SUCO: variants seen among roughly 807,000 people sequenced by gnomAD.
SUCO encodes the protein SUN domain-containing ossification factor.
Under a neutral mutation model 148.1 loss-of-function variants are expected in SUCO, and 57 were observed. The ratio of observed to expected loss-of-function variants is 0.38; its 90% confidence interval spans 0.31 to 0.48. SUCO has a LOEUF of 0.48. Among genes scored for constraint, SUCO ranks in the 20% least tolerant of loss-of-function variants. The probability of loss-of-function intolerance (pLI) is 0.96; values close to 1 mark genes in which losing one functional copy is unlikely to be tolerated. For synonymous variants in SUCO, 470 were observed against 502.7 expected, an observed-to-expected ratio of 0.93 and a Z score of 0.87; for missense variants, 1,331 against 1,468.2, an observed-to-expected ratio of 0.91 and a Z score of 1.53.
intron 3 of SUCO, among the ~76,000 whole-genome samples, chr1:172,554,899 G>T (rs911363791): frequency 8.6e-5 from 13 of 151,600 alleles, no homozygotes; most frequent in Admixed American, 8.5e-4. Flanking sequence ...TGAATTTCTC[G>T]GTGTAAATAA....
At position 172,588,922 on chromosome 1, in the gene SUCO, CT is replaced by C; in HGVS notation, c.1822del (p.Trp608GlyfsTer13). On this transcript the variant is annotated frameshift_variant, in exon 18 of 24. Coordinates refer to ENST00000263688, the MANE Select transcript of SUCO (RefSeq NM_014283.5). LOFTEE classifies it high-confidence loss of function. ...GTGAACAGGAAGATGAATCATCACC[CT>C]GGTTTGAGTCAGAGACACAAATATT... ...SGEQEDESSPWFESETQIFCS... is the reference protein window; with the variant it reads ...SGEQEDESSPXFESETQIFCS... 6.2e-7 allele frequency: 1 copy of C among 1,612,540 alleles called. No homozygotes were observed. Among genetic ancestry groups the C allele is most frequent in the Non-Finnish European group, 8.5e-7 (1 of 1,179,344 alleles).
chr1:172,562,473 A>C (rs1254785530), intron 6 of SUCO, among the ~76,000 whole-genome samples: 1 of 152,054 alleles, frequency 6.6e-6, no homozygotes, highest in Admixed American at 6.6e-5. Context: ...CTGGGACTAC[A>C]GGCGTGCACC....
chr1:172,574,489 G>T (rs943259369), intron 10 of SUCO, among the ~76,000 whole-genome samples: 1 of 151,992 alleles, frequency 6.6e-6, no homozygotes, highest in East Asian at 1.9e-4. Flanking sequence ...AATATATGTT[G>T]TGAGGAATTT....
intron 1 of SUCO, chr1:172,542,997 T>C: frequency 2.0e-6 from 2 of 985,276 alleles, no homozygotes; most frequent in Non-Finnish European, 2.4e-6. Flanking sequence ...AGGCATGAAT[T>C]CCACACATTT....
At chr1:172,543,532 C>T (rs1216729248) in intron 1 of SUCO, among the ~76,000 whole-genome samples, 2 of 152,100 alleles carry the variant, frequency 1.3e-5, no homozygotes, top group African/African-American at 4.8e-5. Context: ...GAACATATCA[C>T]ATTTGTTTAC....
At chr1:172,599,802 T>C (rs937995627) in intron 19 of SUCO, among the ~76,000 whole-genome samples, 5 of 152,252 alleles carry the variant, frequency 3.3e-5, no homozygotes, top group Admixed American at 6.5e-5. Context: ...AATTCTGTTA[T>C]ACAGTATTTC....
chr1:172,542,840 G>T (rs1652580948), intron 1 of SUCO: 1 of 985,278 alleles, frequency 1.0e-6, no homozygotes, highest in South Asian at 4.7e-5. Context: ...GATGGAAAGA[G>T]ATTTAAGGAA....
chr1:172,580,028 G>T (rs1049144126), intron 15 of SUCO, among the ~76,000 whole-genome samples: 1 of 152,156 alleles, frequency 6.6e-6, no homozygotes, highest in African/African-American at 2.4e-5. Flanking sequence ...GTTGAATACC[G>T]ATGTCTGTGA....
At chr1:172,556,421 G>A (rs773782752) in intron 4 of SUCO, among the ~76,000 whole-genome samples, 1 of 151,990 alleles carries the variant, frequency 6.6e-6, no homozygotes, top group East Asian at 1.9e-4. Flanking sequence ...CGTGTGAATC[G>A]CTAACTTTTT....
chr1:172,608,049 G>T (rs1369023812), intron 22 of SUCO: 3 of 982,406 alleles, frequency 3.1e-6, no homozygotes, highest in Non-Finnish European at 3.6e-6. Context: ...TTGTCAGTGT[G>T]GGGGTGGGGT....
At chr1:172,539,734 C>A (rs1164689866) in intron 1 of SUCO, among the ~76,000 whole-genome samples, 4 of 152,172 alleles carry the variant, frequency 2.6e-5, no homozygotes, top group Non-Finnish European at 5.9e-5. Flanking sequence ...ATGAGTTATT[C>A]ATTGACTCTA....
At chr1:172,584,580 C>T (rs141751261) in intron 15 of SUCO, among the ~76,000 whole-genome samples, 2,330 of 152,210 alleles carry the variant, frequency 0.015, 63 homozygotes, top group African/African-American at 0.053. Context: ...TGAGAGCAGC[C>T]TGGGCAACAC....
chr1:172,595,985 C>CT (rs886088415), intron 19 of SUCO, among the ~76,000 whole-genome samples: 1 of 152,116 alleles, frequency 6.6e-6, no homozygotes, highest in East Asian at 1.9e-4. Context: ...TGTTTTTACT[C>CT]TTTTTTTCTC....
At chr1:172,593,985 C>T (rs571009140) in intron 19 of SUCO, among the ~76,000 whole-genome samples, 6 of 152,280 alleles carry the variant, frequency 3.9e-5, no homozygotes, top group Non-Finnish European at 8.8e-5. Context: ...GATTCAACTT[C>T]TTCCTGGTTT....
Position 172,570,057 on chromosome 1 carries a change from G to A in SUCO, c.867G>A (p.Met289Ile). 6.4e-7 allele frequency: 1 copy of A among 1,556,268 alleles called. No homozygotes were observed. The change falls in exon 8 of 24, where the codon ATG becomes ATA. Residue 289 changes from methionine (M) to isoleucine (I), a missense_variant. By Grantham distance (10) the Met-to-Ile change is conservative. Around this residue, in one of 3 missense-constraint regions of SUCO, gnomAD observed 992 missense variants for 1,093.5 expected, o/e 0.91. Transcript: ENST00000263688. ...ACGGTTTGTCTGCAGGTCAGTCGATGCATGCATCTTCTAATGGAGGTTCAC... is the reference window on the plus strand; with the variant it reads ...ACGGTTTGTCTGCAGGTCAGTCGATACATGCATCTTCTAATGGAGGTTCAC... ...MEVEKEKSQS[M>I]HASSNGGSHA... is the part of the protein sequence containing the mutation.
At chr1:172,570,859 T>G in intron 9 of SUCO, 129 bp downstream of exon 9, 1 of 601,800 alleles carries the variant, frequency 1.7e-6, no homozygotes, top group Non-Finnish European at 2.8e-6. Flanking sequence ...GCTGATACTA[T>G]GCAAAACTGA....
intron 21 of SUCO, 148 bp from the exon 22 acceptor site, chr1:172,602,548 T>C: frequency 1.3e-5 from 19 of 1,429,828 alleles, no homozygotes; most frequent in Non-Finnish European, 1.7e-5. Flanking sequence ...AATTTTTTTT[T>C]CCACCTGTAT....
upstream of SUCO, chr1:172,533,069 G>T: frequency 7.0e-7 from 1 of 1,429,582 alleles, no homozygotes; most frequent in Non-Finnish European, 9.1e-7. Context: ...CCCCGCCGGC[G>T]ATTGGCTGTT....
At chr1:172,536,591 G>C (rs6424965) in intron 1 of SUCO, among the ~76,000 whole-genome samples, 34,000 of 152,086 alleles carry the variant, frequency 0.22, 4,004 homozygotes, top group South Asian at 0.36. Context: ...ACTGGAAGTC[G>C]CATAACCTAG....
Sources: gnomAD v4.1 joint callset for allele counts (sites outside exome capture counted in the v4.1 genomes callset) on GRCh38, gnomAD v4.1.1 for gene constraint, gnomAD v4.1.1 regional missense constraint, MANE v1.5 for transcripts, NCBI Gene and HGNC (gene_info 2026-07-23, HGNC 2026-07-21) for gene names.